Variants in NYNRIN observed in about 807,000 individuals in gnomAD.
NYNRIN encodes the protein protein NYNRIN.
NYNRIN carries 86 observed loss-of-function variants against 146.6 expected under a neutral mutation model. The observed-to-expected ratio is 0.59, with a 90% confidence interval of 0.49 to 0.70. The LOEUF is 0.70. NYNRIN is among the 30% of genes least tolerant of loss of function. NYNRIN has a pLI of 0.00. For synonymous variants in NYNRIN, 1,027 were observed against 1,001.3 expected (o/e 1.03, Z -0.48); for missense variants, 2,191 against 2,377.7 (o/e 0.92, Z 1.63).
At chr14:24,412,408 G>T (rs1479147860) in intron 6 of NYNRIN, among the ~76,000 whole-genome samples, 1 of 152,220 alleles carries the variant, frequency 6.6e-6, no homozygotes, top group Non-Finnish European at 1.5e-5. Context: ...TTAGAGGAGA[G>T]GTGATCCTTG....
At position 24,415,736 on chromosome 14, in the gene NYNRIN, C is replaced by T; in HGVS notation, c.3987C>T (p.Leu1329=). The change falls in exon 9 of 9, where the codon CTC becomes CTT. Residue 1329 remains leucine, a synonymous_variant. Coordinates refer to ENST00000382554, the MANE Select transcript of NYNRIN (RefSeq NM_025081.3). ...REDEWCAGFG[L]YVLSPTSPPV... ...ATGAGTGGTGTGCTGGCTTTGGTCT[C>T]TATGTTCTATCGCCCACCAGCCCCC... 3 of 1,613,788 alleles carry T rather than the reference C, an allele frequency of 1.9e-6. No homozygotes were observed. The highest frequency in any genetic ancestry group is 2.5e-6 in the Non-Finnish European group (3 of 1,179,790).
chr14:24,416,194 A>G lies in NYNRIN; in HGVS notation c.4445A>G (p.Gln1482Arg), dbSNP rs1171815729. The G allele has an allele frequency of 6.2e-7, 1 of 1,613,890 alleles. No homozygotes were observed. Among genetic ancestry groups the G allele is most frequent in the Non-Finnish European group, 8.5e-7 (1 of 1,179,904 alleles). Residue 1482 changes from glutamine to arginine, a missense_variant, in exon 9 of 9, where the codon CAG becomes CGG. Gln to Arg is a conservative substitution (Grantham distance 43). This residue lies in a region of NYNRIN where 1,291 missense variants were observed against 1,417.0 expected (regional missense o/e 0.91). Coordinates refer to ENST00000382554, the MANE Select transcript of NYNRIN (RefSeq NM_025081.3). ...MGKRPNLLAL[Q>R]LSDSTLADII... ...AAGAGGCCCAATTTGCTGGCATTAC[A>G]GCTGAGTGACAGCACCCTGGCCGAC...
At chr14:24,403,118 G>C (rs532629216) in intron 2 of NYNRIN, among the ~76,000 whole-genome samples, 1 of 152,132 alleles carries the variant, frequency 6.6e-6, no homozygotes, top group African/African-American at 2.4e-5. Context: ...CTAAATCTAC[G>C]TTTAGCATTG....
rs1440816891 is a variant in NYNRIN, at chr14:24,409,034, C to T, written c.1240C>T (p.Leu414=). ...AGGGCAGAATCCTTTGCCCTTAAAT[C>T]TGGAGTGGAAGCAGAAGGAGCTGGC... is the stretch of plus-strand genomic sequence containing the variant. ...LPGQNPLPLN[L]EWKQKELAPL... Residue 414 remains leucine, a synonymous_variant, in exon 4 of 9, where the codon CTG becomes TTG. Coordinates refer to ENST00000382554, the MANE Select transcript of NYNRIN (RefSeq NM_025081.3). 5 of 1,613,280 alleles carry T rather than the reference C, an allele frequency of 3.1e-6. No individual in the cohort carries two copies. The highest frequency in any genetic ancestry group is 4.2e-6 in the Non-Finnish European group (5 of 1,179,668).
At chr14:24,410,812 C>T (rs1257375418) in intron 4 of NYNRIN, among the ~76,000 whole-genome samples, 1 of 152,220 alleles carries the variant, frequency 6.6e-6, no homozygotes, top group African/African-American at 2.4e-5. Context: ...GAGGGGCTGC[C>T]TTCTTCCTCT....
In NYNRIN at chr14:24,413,393, A is replaced by C; in HGVS notation, c.2822A>C (p.Asp941Ala). 6.2e-7 allele frequency: 1 copy of C among 1,612,774 alleles called. No homozygotes were observed. The highest frequency in any genetic ancestry group is 8.5e-7 in the Non-Finnish European group (1 of 1,179,340). ...CTGGGCCGTGATGGCCCCACCTTGG[A>C]TGAGTTTCTGAAGAAGCCAAACAGG... ...DPLGRDGPTL[D>A]EFLKKPNRLD... Residue 941 changes from aspartate (D) to alanine (A), a missense_variant, in exon 8 of 9, where the codon GAT (aspartate) becomes GCT (alanine). Asp to Ala is a moderately radical substitution (Grantham distance 126). Transcript: ENST00000382554.
rs139716312 is a variant in NYNRIN, at chr14:24,407,967, G to A, written c.297G>A (p.Leu99=). ...TCCTTGGGGCCCAAGGCCTCTTCCT[G>A]GACTGCCTCTGCTGGAGCACCCTTG... The part of the protein sequence containing the change: ...CAFLGAQGLF[L]DCLCWSTLAY... The change falls in exon 3 of 9, where the codon CTG becomes CTA. Residue 99 remains leucine, a synonymous_variant. Coordinates refer to ENST00000382554, the MANE Select transcript of NYNRIN (RefSeq NM_025081.3). 8.1e-6 allele frequency: 13 copies of A among 1,614,014 alleles called. No homozygotes were observed. The highest frequency in any genetic ancestry group is 3.3e-4 in the Middle Eastern group (2 of 6,062).
rs2042932292 is a variant in NYNRIN at position 24,414,684 on chromosome 14, G to A, written c.2935G>A (p.Asp979Asn). 2 of 1,613,704 alleles carry A rather than the reference G, an allele frequency of 1.2e-6. No homozygotes were observed. Among genetic ancestry groups the A allele is most frequent in the Non-Finnish European group, 1.7e-6 (2 of 1,179,758 alleles). Reference sequence around the variant, plus strand: ...TGTCACTGAGCTGAGTGATGACGCTGACTCTGGGCCCCTGGAGAGTCTGCC... The same window carrying A: ...TGTCACTGAGCTGAGTGATGACGCTAACTCTGGGCCCCTGGAGAGTCTGCC... ...ASVTELSDDADSGPLESLPNM... is the reference protein window; with the variant it reads ...ASVTELSDDANSGPLESLPNM... The change falls in exon 9 of 9, where the codon GAC becomes AAC. Residue 979 changes from aspartate (D) to asparagine (N), a missense_variant. This residue lies in a region of NYNRIN where 1,291 missense variants were observed against 1,417.0 expected (regional missense o/e 0.91). Transcript: ENST00000382554.
intron 8 of NYNRIN, among the ~76,000 whole-genome samples, chr14:24,413,892 G>A (rs1291196455): frequency 6.6e-6 from 1 of 152,204 alleles, no homozygotes; most frequent in East Asian, 1.9e-4. Flanking sequence ...TATTCACCAA[G>A]TAGGATTTTT....
Position 24,408,348 on chromosome 14 carries a change from G to A in NYNRIN, c.678G>A (p.Gln226=), listed in dbSNP as rs1246093405. Residue 226 remains glutamine (Q), a synonymous_variant, in exon 3 of 9, where the codon CAG becomes CAA. Transcript: ENST00000382554. ...SDPEVLICPP[Q]QQKEAPAMVS... Reference sequence around the variant, plus strand: ...CGGAGGTTCTAATCTGCCCTCCCCAGCAGCAGAAGGAAGCCCCAGCCATGG... The same window carrying A: ...CGGAGGTTCTAATCTGCCCTCCCCAACAGCAGAAGGAAGCCCCAGCCATGG... 6.2e-7 allele frequency: 1 copy of A among 1,613,844 alleles called. No individual in the cohort carries two copies. Among genetic ancestry groups the A allele is most frequent in the South Asian group, 1.1e-5 (1 of 91,090 alleles).
Position 24,417,243 on chromosome 14 carries a change from G to A in NYNRIN, c.5494G>A (p.Val1832Ile). The change falls in exon 9 of 9, where the codon GTC becomes ATC. Residue 1832 changes from valine to isoleucine, a missense_variant. Coordinates refer to ENST00000382554, the MANE Select transcript of NYNRIN (RefSeq NM_025081.3). ...GAAGGAGTGGAATGTGGGTGACCAG[G>A]TCCTTTTGCTGTCCCTCCCCAGGAA... ...QEKEWNVGDQ[V>I]LLLSLPRNGS... is the part of the protein sequence containing the mutation. 1.2e-6 allele frequency: 2 copies of A among 1,614,046 alleles called. No individual in the cohort carries two copies. The highest frequency in any genetic ancestry group is 2.2e-5 in the South Asian group (2 of 91,088).
In NYNRIN at chr14:24,417,003, T is replaced by C; in HGVS notation, c.5254T>C (p.Ser1752Pro). Residue 1752 changes from serine (S) to proline (P), a missense_variant, in exon 9 of 9, where the codon TCC (serine) becomes CCC (proline). Physicochemically the swap from Ser to Pro is moderately conservative, Grantham distance 74. Around this residue, in one of 3 missense-constraint regions of NYNRIN, gnomAD observed 1,291 missense variants for 1,417.0 expected, o/e 0.91. Coordinates refer to ENST00000382554, the MANE Select transcript of NYNRIN (RefSeq NM_025081.3). Reference sequence around the variant, plus strand: ...GCTGCACCTGGCCTTCAGGGCCTCCTCCACTGATGCCACACCGTTCAAGGT... The same window carrying C: ...GCTGCACCTGGCCTTCAGGGCCTCCCCCACTGATGCCACACCGTTCAAGGT... Reference protein sequence around the residue: ...PLLHLAFRASSTDATPFKVLT... With the variant: ...PLLHLAFRASPTDATPFKVLT... 6.3e-7 allele frequency: 1 copy of C among 1,591,928 alleles called. No homozygotes were observed. The highest frequency in any genetic ancestry group is 1.7e-5 in the Admixed American group (1 of 58,026).
chr14:24,415,607 C>G lies in NYNRIN; in HGVS notation c.3858C>G (p.Thr1286=). The change falls in exon 9 of 9, where the codon ACC becomes ACG. Residue 1286 remains threonine (T), a synonymous_variant. Coordinates refer to ENST00000382554, the MANE Select transcript of NYNRIN (RefSeq NM_025081.3). ...TGCTGGGGGAGAACCGCCTGCTCAC[C>G]CCCGCGGCCTCCATGCCTCGCTTCT... The part of the protein sequence containing the change: ...QGLLGENRLL[T]PAASMPRFFQ... 6.2e-7 allele frequency: 1 copy of G among 1,614,004 alleles called. No homozygotes were observed. Among genetic ancestry groups the G allele is most frequent in the Non-Finnish European group, 8.5e-7 (1 of 1,179,886 alleles).
rs1195473622 is a variant in NYNRIN, at chr14:24,415,193, C to T, written c.3444C>T (p.Ala1148=). 1 of 1,610,066 alleles carries T rather than the reference C, an allele frequency of 6.2e-7. No individual in the cohort carries two copies. Among genetic ancestry groups the T allele is most frequent in the Non-Finnish European group, 8.5e-7 (1 of 1,179,784 alleles). Residue 1148 remains alanine (A), a synonymous_variant, in exon 9 of 9, where the codon GCC becomes GCT. Transcript: ENST00000382554. ...CCCTGAAGCGAGCCCTGGTGTCTGCCCTCTGCCTGATGGCCCCCAACTCCC... is the reference window on the plus strand; with the variant it reads ...CCCTGAAGCGAGCCCTGGTGTCTGCTCTCTGCCTGATGGCCCCCAACTCCC... ...FLALKRALVS[A]LCLMAPNSQL... is the part of the protein sequence containing the mutation.
In NYNRIN at chr14:24,415,581, C is replaced by T. The variant is rs771234889; in HGVS notation, c.3832C>T (p.Leu1278=). The stretch of plus-strand genomic sequence containing the variant: ...CCTGGAATTGGCCCTCCTCCAGGGC[C>T]TGCTGGGGGAGAACCGCCTGCTCAC... ...RALELALLQG[L]LGENRLLTPA... The change falls in exon 9 of 9, where the codon CTG becomes TTG. Residue 1278 remains leucine, a synonymous_variant. Transcript: ENST00000382554. The T allele has an allele frequency of 1.2e-6, 2 of 1,614,002 alleles. No individual in the cohort carries two copies. The highest frequency in any genetic ancestry group is 2.2e-5 in the East Asian group (1 of 44,866).
At position 24,410,060 on chromosome 14, in the gene NYNRIN, C is replaced by A; in HGVS notation, c.2266C>A (p.Pro756Thr). The change falls in exon 4 of 9, where the codon CCT becomes ACT. Residue 756 changes from proline (P) to threonine (T), a missense_variant. Physicochemically the swap from Pro to Thr is conservative, Grantham distance 38. Coordinates refer to ENST00000382554, the MANE Select transcript of NYNRIN (RefSeq NM_025081.3). ...GAWEGAPRQP[P>T]RHLQANSTVT... is the part of the protein sequence containing the mutation. ...TTGGGAGGGGGCCCCAAGGCAGCCA[C>A]CTCGCCACCTGCAAGCGAACAGCAC... 6.2e-7 allele frequency: 1 copy of A among 1,613,944 alleles called. No homozygotes were observed. Among genetic ancestry groups the A allele is most frequent in the South Asian group, 1.1e-5 (1 of 91,086 alleles).
At chr14:24,402,439 G>A (rs1232913435) in intron 2 of NYNRIN, among the ~76,000 whole-genome samples, 5 of 152,128 alleles carry the variant, frequency 3.3e-5, no homozygotes, top group Non-Finnish European at 7.4e-5. Flanking sequence ...AGGCAGTGGT[G>A]GTGGGCAAGA....
At position 24,414,692 on chromosome 14, in the gene NYNRIN, G is replaced by A. The variant is rs751452109; in HGVS notation, c.2943G>A (p.Gly981=). ...VTELSDDADS[G]PLESLPNMEE... ...AGCTGAGTGATGACGCTGACTCTGG[G>A]CCCCTGGAGAGTCTGCCGAATATGG... Residue 981 remains glycine, a synonymous_variant, in exon 9 of 9, where the codon GGG becomes GGA. Coordinates refer to ENST00000382554, the MANE Select transcript of NYNRIN (RefSeq NM_025081.3). The A allele has an allele frequency of 6.2e-7, 1 of 1,613,668 alleles. No individual in the cohort carries two copies. Among genetic ancestry groups the A allele is most frequent in the Admixed American group, 1.7e-5 (1 of 59,972 alleles).
chr14:24,408,008 G>GC lies in NYNRIN; in HGVS notation c.344dup (p.Gly116TrpfsTer10). 6.2e-7 allele frequency: 1 copy of GC among 1,613,978 alleles called. No individual in the cohort carries two copies. Among genetic ancestry groups the GC allele is most frequent in the Non-Finnish European group, 8.5e-7 (1 of 1,179,882 alleles). Reference sequence around the variant, plus strand: ...AGCACCCTTGCCTACCTGGTGCCTGGCCCCCCTGGCTCCCTGATGGTGGGC... The same window carrying GC: ...AGCACCCTTGCCTACCTGGTGCCTGGCCCCCCCTGGCTCCCTGATGGTGGGC... On this transcript the variant is annotated frameshift_variant, in exon 3 of 9. Transcript: ENST00000382554. LOFTEE classifies it high-confidence loss of function.
Sources: gnomAD v4.1 joint callset for allele counts (sites outside exome capture counted in the v4.1 genomes callset) on GRCh38, gnomAD v4.1.1 for gene constraint, gnomAD v4.1.1 regional missense constraint, MANE v1.5 for transcripts, NCBI Gene and HGNC (gene_info 2026-07-23, HGNC 2026-07-21) for gene names.